Variants in GRM7 observed in about 807,000 individuals in gnomAD.
GRM7 encodes the protein glutamate metabotropic receptor 7.
Under a neutral mutation model 84.5 loss-of-function variants are expected in GRM7, and 35 were observed. The observed-to-expected ratio is 0.41, with a 90% confidence interval of 0.32 to 0.55. The LOEUF (loss-of-function observed/expected upper bound fraction) is 0.55, where lower values mean the gene tolerates loss of function less well. Ranked by LOEUF, GRM7 falls within the 20% of genes least tolerant of loss-of-function variation. The pLI, the probability that GRM7 is intolerant of heterozygous loss-of-function variation, is 0.19. For synonymous variants in GRM7, 487 were observed against 455.1 expected, an observed-to-expected ratio of 1.07 and a Z score of -0.89; for missense variants, 1,003 against 1,194.6, an observed-to-expected ratio of 0.84 and a Z score of 2.36.
chr3:7,367,844 C>T (rs1693965706), intron 4 of GRM7, among the ~76,000 whole-genome samples: 1 of 150,778 alleles, frequency 6.6e-6, no homozygotes, highest in African/African-American at 2.4e-5. Context: ...ACAGCTGATC[C>T]AAGCATTCAT....
intron 1 of GRM7, among the ~76,000 whole-genome samples, chr3:6,868,877 T>G (rs908443279): frequency 3.3e-5 from 5 of 152,150 alleles, no homozygotes; most frequent in African/African-American, 1.2e-4. Flanking sequence ...AGTTTTATAA[T>G]TGGTCATTTG....
chr3:7,428,209 T>A (rs1342887917), intron 5 of GRM7, among the ~76,000 whole-genome samples: 2 of 152,188 alleles, frequency 1.3e-5, no homozygotes, highest in Non-Finnish European at 2.9e-5. Context: ...GGAGTGTGTC[T>A]CTGCCATTCA....
At chr3:7,700,288 G>C (rs1701180025) in intron 9 of GRM7, among the ~76,000 whole-genome samples, 1 of 152,192 alleles carries the variant, frequency 6.6e-6, no homozygotes, top group Non-Finnish European at 1.5e-5. Flanking sequence ...ACAGCCAGAA[G>C]GACAGTGGAA....
intron 9 of GRM7, among the ~76,000 whole-genome samples, chr3:7,708,726 C>A (rs1701482982): frequency 1.3e-5 from 2 of 152,150 alleles, no homozygotes; most frequent in African/African-American, 4.8e-5. Context: ...GACATCCCAA[C>A]ATCCTACGGT....
At chr3:7,553,261 C>A (rs1693579625) in intron 7 of GRM7, among the ~76,000 whole-genome samples, 1 of 152,186 alleles carries the variant, frequency 6.6e-6, no homozygotes, top group Non-Finnish European at 1.5e-5. Flanking sequence ...ACCACTTGAG[C>A]CTGGACTTCA....
intron 4 of GRM7, among the ~76,000 whole-genome samples, chr3:7,408,381 G>T (rs1056849582): frequency 2.0e-5 from 3 of 152,018 alleles, no homozygotes; most frequent in Non-Finnish European, 4.4e-5. Flanking sequence ...AACACTTCCC[G>T]TGAGATTTTT....
intron 7 of GRM7, among the ~76,000 whole-genome samples, chr3:7,534,675 A>G (rs1198313635): frequency 6.6e-6 from 1 of 152,124 alleles, no homozygotes; most frequent in Non-Finnish European, 1.5e-5. Flanking sequence ...GAGCTATAAT[A>G]AACAGGGCCC....
At chr3:7,606,153 T>A (rs1696557409) in intron 8 of GRM7, among the ~76,000 whole-genome samples, 1 of 152,212 alleles carries the variant, frequency 6.6e-6, no homozygotes, top group South Asian at 2.1e-4. Flanking sequence ...TATTCTTCAA[T>A]GCAAATTTTA....
chr3:7,097,552 A>G lies in GRM7; in HGVS notation c.520-48900A>G, dbSNP rs527968706. ...CATTGAACTTTTCCACTAACAAAAG[A>G]ATAATATAAAATATAAGAGAATTAG... On this transcript the variant is annotated intron_variant, in intron 1 of 9. Transcript: ENST00000357716. Among the ~76,000 whole-genome samples, 5 of 152,240 alleles carry G rather than the reference A, an allele frequency of 3.3e-5. No individual in the cohort carries two copies. The East Asian group carries it at 9.7e-4, about 29-fold the overall frequency.
rs898619891 is a variant in GRM7, at chr3:7,614,688, A to G, written c.2451+35331A>G. Among the ~76,000 whole-genome samples, 35 of 152,080 alleles carry G rather than the reference A, an allele frequency of 2.3e-4. 2 individuals are homozygous for G. The highest frequency in any genetic ancestry group is 1.5e-5 in the Non-Finnish European group (1 of 68,010). ...CTCTTCCACATTAACCTGTTAGACA[A>G]TTTTTTTAGTTACTCTGACAATTAC... On this transcript the variant is annotated intron_variant, in intron 8 of 9. Coordinates refer to ENST00000357716, the MANE Select transcript of GRM7 (RefSeq NM_000844.4).
At chr3:7,043,107 C>T (rs532316363) in intron 1 of GRM7, among the ~76,000 whole-genome samples, 2 of 152,288 alleles carry the variant, frequency 1.3e-5, no homozygotes, top group Non-Finnish European at 2.9e-5. Context: ...CTACTGCTAA[C>T]GGGAACTAGT....
intron 1 of GRM7, among the ~76,000 whole-genome samples, chr3:6,982,407 A>G (rs1052899294): frequency 2.0e-5 from 3 of 152,218 alleles, no homozygotes; most frequent in Non-Finnish European, 2.9e-5. Context: ...CATTTTGATC[A>G]GTCATAATAC....
chr3:6,886,971 C>T (rs1695720165), intron 1 of GRM7, among the ~76,000 whole-genome samples: 1 of 151,972 alleles, frequency 6.6e-6, no homozygotes, highest in Admixed American at 6.6e-5. Context: ...GTCAGAATTA[C>T]TCCAAACATA....
At chr3:7,599,118 G>A (rs1181828491) in intron 8 of GRM7, among the ~76,000 whole-genome samples, 2 of 152,072 alleles carry the variant, frequency 1.3e-5, no homozygotes, top group African/African-American at 4.8e-5. Flanking sequence ...CTTCCTAGGG[G>A]CCTGTCATCA....
At chr3:7,329,844 T>C (rs534028980) in intron 4 of GRM7, among the ~76,000 whole-genome samples, 8 of 152,270 alleles carry the variant, frequency 5.3e-5, no homozygotes, top group African/African-American at 1.9e-4. Context: ...TGCATCTATT[T>C]CCTTTTAAAA....
At chr3:7,540,594 T>C (rs1692819458) in intron 7 of GRM7, among the ~76,000 whole-genome samples, 1 of 152,202 alleles carries the variant, frequency 6.6e-6, no homozygotes, top group Admixed American at 6.5e-5. Context: ...TGACTGCTAA[T>C]GAATATGGGG....
At chr3:7,039,119 A>T (rs2124938296) in intron 1 of GRM7, among the ~76,000 whole-genome samples, 1 of 152,290 alleles carries the variant, frequency 6.6e-6, no homozygotes, top group South Asian at 2.1e-4. Context: ...AATAATAATA[A>T]AGCAAAAACT....
chr3:7,060,055 C>T (rs1022171594), intron 1 of GRM7, among the ~76,000 whole-genome samples: 2 of 151,766 alleles, frequency 1.3e-5, no homozygotes, highest in Admixed American at 1.3e-4. Flanking sequence ...ATGATTTGGG[C>T]TGGAGTACAG....
intron 8 of GRM7, among the ~76,000 whole-genome samples, chr3:7,599,557 A>G (rs1206524485): frequency 6.6e-6 from 1 of 152,168 alleles, no homozygotes; most frequent in Non-Finnish European, 1.5e-5. Context: ...CCAGAGCTTG[A>G]CATAGGGACA....
Sources: allele counts gnomAD v4.1 joint callset (sites outside exome capture counted in the v4.1 genomes callset), GRCh38; gene constraint gnomAD v4.1.1; transcripts MANE v1.5; gene names NCBI Gene and HGNC (gene_info 2026-07-23, HGNC 2026-07-21).